The following MRPL38 variants were observed in gnomAD, a reference collection of about 807,000 sequenced individuals.
MRPL38 encodes mitochondrial ribosomal protein L38, also known as large ribosomal subunit protein mL38.
A neutral mutation model predicts 52.1 loss-of-function variants in MRPL38; 51 were observed. The ratio of observed to expected loss-of-function variants is 0.98; its 90% CI spans 0.78 to 1.24. The LOEUF (loss-of-function observed/expected upper bound fraction) is 1.24. Ranked by LOEUF, MRPL38 falls within the 50% of genes most tolerant of loss-of-function variation. The pLI is 0.00. For synonymous variants in MRPL38, 245 were observed against 212.7 expected, an observed-to-expected ratio of 1.15 and a Z score of -1.32; for missense variants, 527 against 518.6, an observed-to-expected ratio of 1.02 and a Z score of -0.16.
chr17:75,900,789 A>T (rs759589078), intron 6 of MRPL38, 193 bp downstream of exon 6: 591 of 1,408,950 alleles, frequency 4.2e-4, no homozygotes, highest in Non-Finnish European at 5.3e-4. Context: ...CCTACTGCAA[A>T]CTTTGTCTCC....
At chr17:75,904,448 C>A (rs1464505828) in intron 2 of MRPL38, 92 bp downstream of exon 2, 1 of 1,367,882 alleles carries the variant, frequency 7.3e-7, no homozygotes, top group South Asian at 1.4e-5. Context: ...CACAAGGGCG[C>A]CGGCAAGGCT....
rs765586962 is a variant in MRPL38, at chr17:75,899,227, G to C, written c.937C>G (p.Pro313Ala). Reference protein sequence around the residue: ...FYKKHQETMTPAGLSFFQCRW... With the variant: ...FYKKHQETMTAAGLSFFQCRW... ...CACTGGAAGAAGGACAAGCCGGCTG[G>C]AGTCATGGTTTCTTGGTGTTTCTTG... Residue 313 changes from proline (P) to alanine (A), a missense_variant, in exon 8 of 9, where the codon CCA becomes GCA. By Grantham distance (27) the Pro-to-Ala change is conservative. Coordinates refer to ENST00000309352, the MANE Select transcript of MRPL38 (RefSeq NM_032478.4). 8 of 1,610,946 alleles carry C rather than the reference G, an allele frequency of 5.0e-6. 1 individual carries two copies. The African/African-American group carries it at 8.0e-5, about 16-fold the overall frequency.
At chr17:75,904,462 C>T in intron 2 of MRPL38, 78 bp downstream of exon 2, 1 of 1,434,360 alleles carries the variant, frequency 7.0e-7, no homozygotes. Flanking sequence ...CAAGGCTCGC[C>T]CAGCGCCCGG....
chr17:75,904,770 G>GCCCCCC, intron 1 of MRPL38, 39 bp downstream of exon 1: 2 of 500,002 alleles, frequency 4.0e-6, no homozygotes, highest in Non-Finnish European at 5.6e-6. Context: ...TCGGGCGACA[G>GCCCCCC]CCCCCCCCCC....
chr17:75,903,915 A>C (rs984419555), intron 2 of MRPL38, among the ~76,000 whole-genome samples: 1 of 152,088 alleles, frequency 6.6e-6, no homozygotes, highest in Non-Finnish European at 1.5e-5. Flanking sequence ...TTTAGCAGAC[A>C]CGGGGTTTCT....
At chr17:75,904,768 CA>C in intron 1 of MRPL38, 40 bp downstream of exon 1, 10 of 1,056,360 alleles carry the variant, frequency 9.5e-6, no homozygotes, top group Non-Finnish European at 1.1e-5. Flanking sequence ...GCTCGGGCGA[CA>C]GCCCCCCCCC....
In MRPL38 at chr17:75,898,953, G is replaced by A. The variant is rs573497687; in HGVS notation, c.1040C>T (p.Pro347Leu). The change falls in exon 9 of 9, where the codon CCG (proline) becomes CTG (leucine). Residue 347 changes from proline to leucine, a missense_variant. Physicochemically the swap from Pro to Leu is moderately conservative, Grantham distance 98. Coordinates refer to ENST00000309352, the MANE Select transcript of MRPL38 (RefSeq NM_032478.4). ...MREPVFEFVR[P>L]PPYHPKQKRF... Reference sequence around the variant, plus strand: ...CTTCTGCTTGGGGTGGTAAGGGGGCGGCCGCACGAACTCAAACACCGGCTC... The same window carrying A: ...CTTCTGCTTGGGGTGGTAAGGGGGCAGCCGCACGAACTCAAACACCGGCTC... The A allele has an allele frequency of 9.0e-5, 144 of 1,605,622 alleles. 2 individuals carry two copies. The South Asian group carries it at 1.3e-3, about 15-fold the overall frequency.
chr17:75,898,715 G>A lies in MRPL38; in HGVS notation c.*135C>T. ...AGAGTCACTTTCACTCCAAGCCCTG[G>A]GCCTGACGGGAGGGGGCCAAAGAGG... is the stretch of plus-strand genomic sequence containing the variant. On this transcript the variant is annotated 3_prime_UTR_variant, in exon 9 of 9. Transcript: ENST00000309352. The A allele has an allele frequency of 9.9e-7, 1 of 1,010,850 alleles. No individual in the cohort carries two copies. The highest frequency in any genetic ancestry group is 1.5e-6 in the Non-Finnish European group (1 of 687,630). 62.6% of individuals were successfully genotyped at this position (1,010,850 alleles called of 1,614,324 possible).
At chr17:75,899,089 T>G in intron 8 of MRPL38, 69 bp downstream of exon 8, 4 of 1,544,480 alleles carry the variant, frequency 2.6e-6, no homozygotes, top group Non-Finnish European at 3.5e-6. Context: ...TAACAAAGCT[T>G]CTCCCTGGCA....
At position 75,901,659 on chromosome 17, in the gene MRPL38, G is replaced by T; in HGVS notation, c.591+53C>A. The T allele has an allele frequency of 6.8e-7, 1 of 1,478,932 alleles. No homozygotes were observed. The highest frequency in any genetic ancestry group is 9.4e-7 in the Non-Finnish European group (1 of 1,059,122). The allele number at this position is 1,478,932 out of a possible 1,614,324, so 91.6% of individuals were successfully genotyped here. A position where few individuals can be genotyped will look rare whatever the true frequency, so the allele number is the denominator to read the frequency against. On this transcript the variant is annotated intron_variant, in intron 4 of 8. Coordinates refer to ENST00000309352, the MANE Select transcript of MRPL38 (RefSeq NM_032478.4). The surrounding 1 kb of genome is among the most constrained non-coding windows in gnomAD (Gnocchi z 5.7). ...AGGAGTGTCTGTGACACTGAGATGG[G>T]ATGTGTCTGTGTTTGCACAGGGCAG...
At chr17:75,904,270 A>T (rs1189016026) in intron 2 of MRPL38, 1 of 628,334 alleles carries the variant, frequency 1.6e-6, no homozygotes, top group Non-Finnish European at 3.0e-6. Flanking sequence ...CCGGAAAGTC[A>T]GGTGGTCAAG....
At position 75,899,565 on chromosome 17, in the gene MRPL38, T is replaced by C; in HGVS notation, c.820A>G (p.Lys274Glu). 2 of 1,605,158 alleles carry C rather than the reference T, an allele frequency of 1.2e-6. No individual in the cohort carries two copies. Among genetic ancestry groups the C allele is most frequent in the Non-Finnish European group, 1.7e-6 (2 of 1,174,952 alleles). Residue 274 changes from lysine (K) to glutamate (E), a missense_variant, in exon 7 of 9, where the codon AAG becomes GAG. By Grantham distance (56) the Lys-to-Glu change is moderately conservative (BLOSUM62 1). Coordinates refer to ENST00000309352, the MANE Select transcript of MRPL38 (RefSeq NM_032478.4). The part of the protein sequence containing the change: ...GIHRLAFLLF[K>E]QDQPIDFSED... ...GAGAAGTCAATCGGCTGGTCCTGCT[T>C]GAAGAGCAGGAAGGCAAGACGGTGG...
intron 6 of MRPL38, 172 bp from the exon 7 acceptor site, chr17:75,899,846 C>A (rs1004832488): frequency 4.3e-6 from 2 of 462,916 alleles, no homozygotes; most frequent in Admixed American, 8.4e-5. Context: ...GGACATGCTG[C>A]AAATACGGGA....
Position 75,901,595 on chromosome 17 carries a change from G to A in MRPL38, c.591+117C>T. On this transcript the variant is annotated intron_variant, in intron 4 of 8. Transcript: ENST00000309352. This position sits in a 1 kb window ranked among gnomAD's most constrained non-coding sequence, Gnocchi z 5.7. ...GAAATTGTCATGGTGTCGTCTTCCA[G>A]GAAATCAAAGAGACAGAGAACAACA... The A allele has an allele frequency of 2.4e-6, 2 of 849,196 alleles. No homozygotes were observed. Among genetic ancestry groups the A allele is most frequent in the Non-Finnish European group, 3.8e-6 (2 of 521,046 alleles). 52.6% of individuals were successfully genotyped at this position (849,196 alleles called of 1,614,324 possible). A position where few individuals can be genotyped will look rare whatever the true frequency, so the allele number is the denominator to read the frequency against.
chr17:75,900,918 C>G, intron 6 of MRPL38, 64 bp downstream of exon 6: 1 of 1,572,084 alleles, frequency 6.4e-7, no homozygotes, highest in Non-Finnish European at 8.6e-7. Context: ...GCAGCTCAGT[C>G]CAGGCTCCCA....
Position 75,900,901 on chromosome 17 carries a change from C to T in MRPL38, c.710+81G>A. Reference sequence around the variant, plus strand: ...AAGGTCCCATGGGTAGTCCATGAAACTCAGGAGCAGCTCAGTCCAGGCTCC... The same window carrying T: ...AAGGTCCCATGGGTAGTCCATGAAATTCAGGAGCAGCTCAGTCCAGGCTCC... On this transcript the variant is annotated intron_variant, in intron 6 of 8. Coordinates refer to ENST00000309352, the MANE Select transcript of MRPL38 (RefSeq NM_032478.4). 3 of 1,531,924 alleles carry T rather than the reference C, an allele frequency of 2.0e-6. No individual in the cohort carries two copies. The South Asian group carries it at 3.8e-5, about 19-fold the overall frequency. 94.9% of individuals were successfully genotyped at this position (1,531,924 alleles called of 1,614,324 possible). A position where few individuals can be genotyped will look rare whatever the true frequency, so the allele number is the denominator to read the frequency against.
chr17:75,901,069 CGG>C lies in MRPL38; in HGVS notation c.665-44_665-43del. On this transcript the variant is annotated intron_variant, in intron 5 of 8. Coordinates refer to ENST00000309352, the MANE Select transcript of MRPL38 (RefSeq NM_032478.4). The surrounding 1 kb of genome is among the most constrained non-coding windows in gnomAD (Gnocchi z 5.7). ...CTGCTGACCACGGCCCAGCCGACCA[CGG>C]CCCTGCCACCCCCTCCCTTGTTAGG... is the stretch of plus-strand genomic sequence containing the variant. 6.2e-7 allele frequency: 1 copy of C among 1,602,842 alleles called. No homozygotes were observed. Among genetic ancestry groups the C allele is most frequent in the South Asian group, 1.1e-5 (1 of 89,478 alleles).
chr17:75,901,446 C>T lies in MRPL38; in HGVS notation c.592-173G>A. On this transcript the variant is annotated intron_variant, in intron 4 of 8. Coordinates refer to ENST00000309352, the MANE Select transcript of MRPL38 (RefSeq NM_032478.4). This position sits in a 1 kb window ranked among gnomAD's most constrained non-coding sequence, Gnocchi z 5.7. Reference sequence around the variant, plus strand: ...AGCCCTGCAGAGTTGCCTGTCCAGGCAACAACCACAAAAACGAACATGTGC... The same window carrying T: ...AGCCCTGCAGAGTTGCCTGTCCAGGTAACAACCACAAAAACGAACATGTGC... The T allele has an allele frequency of 1.4e-6, 1 of 710,268 alleles. No individual in the cohort carries two copies. The highest frequency in any genetic ancestry group is 1.7e-5 in the South Asian group (1 of 57,342). 44.0% of individuals were successfully genotyped at this position (710,268 alleles called of 1,614,324 possible).
rs1327728208 is a variant in MRPL38 at position 75,904,704 on chromosome 17, C to T, written c.83G>A (p.Arg28Gln). The T allele has an allele frequency of 1.3e-6, 2 of 1,584,560 alleles. No homozygotes were observed. Among genetic ancestry groups the T allele is most frequent in the Admixed American group, 1.7e-5 (1 of 58,252 alleles). Residue 28 changes from arginine to glutamine, a missense_variant, in exon 2 of 9, where the codon CGG (arginine) becomes CAG (glutamine). By Grantham distance (43) the Arg-to-Gln change is conservative. Transcript: ENST00000309352. ...GGGCATCGGCCCCAGCGGGGGTGTC[C>T]GGCGGCCCAGGACGGCTGCGGGCAG... Reference protein sequence around the residue: ...GFSTSAVLGRRTPPLGPMPNS... With the variant: ...GFSTSAVLGRQTPPLGPMPNS...
Sources: gnomAD v4.1 joint callset for allele counts (sites outside exome capture counted in the v4.1 genomes callset) on GRCh38, gnomAD v4.1.1 for gene constraint, Gnocchi (gnomAD v3.1) non-coding constraint, MANE v1.5 for transcripts, NCBI Gene and HGNC (gene_info 2026-07-23, HGNC 2026-07-21) for gene names.